PHLDB2: variants seen among roughly 807,000 people sequenced by gnomAD.
The protein encoded by PHLDB2 is pleckstrin homology like domain family B member 2.
In PHLDB2, 71 loss-of-function variants were observed where a neutral mutation model predicts 123.6. The ratio of observed to expected loss-of-function variants is 0.57; its 90% CI spans 0.47 to 0.70. The LOEUF is 0.70. Ranked by LOEUF, PHLDB2 falls within the 30% of genes least tolerant of loss-of-function variation. The pLI is 0.00. For missense variants in PHLDB2, 1,446 were observed against 1,519.5 expected (o/e 0.95, Z 0.80); for synonymous variants, 547 against 541.6 (o/e 1.01, Z -0.14).
At chr3:111,735,298 C>T (rs1009771210) in intron 1 of PHLDB2, among the ~76,000 whole-genome samples, 7 of 152,178 alleles carry the variant, frequency 4.6e-5, no homozygotes, top group Non-Finnish European at 7.3e-5. Context: ...AGACCCATGT[C>T]GGCTTGGAGT....
chr3:111,846,062 C>A, intron 2 of PHLDB2: 1 of 986,274 alleles, frequency 1.0e-6, no homozygotes, highest in Non-Finnish European at 1.5e-6. Context: ...GGGAAGAGAG[C>A]CTGAGGCTGG....
chr3:111,765,146 G>A (rs185521997), intron 1 of PHLDB2, among the ~76,000 whole-genome samples: 3 of 152,300 alleles, frequency 2.0e-5, no homozygotes, highest in African/African-American at 4.8e-5. Context: ...ATAGGCAGGC[G>A]TGAAACACTC....
intron 1 of PHLDB2, among the ~76,000 whole-genome samples, chr3:111,872,063 G>C (rs2065365840): frequency 6.6e-6 from 1 of 152,212 alleles, no homozygotes; most frequent in Non-Finnish European, 1.5e-5. Context: ...TTAATTTATG[G>C]ATTGGAAAGT....
chr3:111,782,245 C>A (rs1168367823), intron 1 of PHLDB2, among the ~76,000 whole-genome samples: 1 of 152,060 alleles, frequency 6.6e-6, no homozygotes, highest in Non-Finnish European at 1.5e-5. Flanking sequence ...CTGGGAACAA[C>A]CTTAGTTATA....
chr3:111,875,916 C>G (rs1236497821), intron 1 of PHLDB2, among the ~76,000 whole-genome samples: 2 of 149,584 alleles, frequency 1.3e-5, no homozygotes, highest in African/African-American at 2.5e-5. Flanking sequence ...TTTTTTTTTC[C>G]TGGTTGTCAA....
rs964480452 is a variant in PHLDB2 at position 111,975,466 on chromosome 3, G to A, written c.*903G>A. 2 of 152,184 alleles carry A rather than the reference G, an allele frequency of 1.3e-5. No individual in the cohort carries two copies. The highest frequency in any genetic ancestry group is 2.9e-5 in the Non-Finnish European group (2 of 68,024). The allele number at this position is 152,184 out of a possible 1,614,324, so 9.4% of individuals were successfully genotyped here. A position where few individuals can be genotyped will look rare whatever the true frequency, so the allele number is the denominator to read the frequency against. The stretch of plus-strand genomic sequence containing the variant: ...GTAGCCAATGTCCTTTAGATTGTCT[G>A]ATTTCTTTTTGTTGTGGAGCACACC... On this transcript the variant is annotated 3_prime_UTR_variant, in exon 18 of 18. Coordinates refer to ENST00000431670, the MANE Select transcript of PHLDB2 (RefSeq NM_001134438.2).
chr3:111,781,956 T>C (rs904070153), intron 1 of PHLDB2, among the ~76,000 whole-genome samples: 1 of 152,018 alleles, frequency 6.6e-6, no homozygotes, highest in African/African-American at 2.4e-5. Context: ...ACCTCAGTCA[T>C]AGGGCCAGAA....
At chr3:111,778,282 A>T (rs1165697323) in intron 1 of PHLDB2, 1 of 152,062 alleles carries the variant, frequency 6.6e-6, no homozygotes, top group Admixed American at 6.6e-5. Flanking sequence ...ATGTGGACAC[A>T]AGCACATGAA....
At position 111,917,770 on chromosome 3, in the gene PHLDB2, T is replaced by C. The variant is rs967704516; in HGVS notation, c.1720-1302T>C. The C allele has an allele frequency of 2.0e-5, 3 of 152,158 alleles. No individual in the cohort carries two copies. The East Asian group carries it at 5.8e-4, about 29-fold the overall frequency. 9.4% of individuals were successfully genotyped at this position (152,158 alleles called of 1,614,324 possible). ...AAGTAAAGAATAAAGAATATAAATA[T>C]GAATAAAGCATACAGAATATGACAT... On this transcript the variant is annotated intron_variant, in intron 3 of 17. Transcript: ENST00000431670.
chr3:111,826,790 T>C (rs1333829953), intron 1 of PHLDB2, among the ~76,000 whole-genome samples: 1 of 152,136 alleles, frequency 6.6e-6, no homozygotes, highest in Non-Finnish European at 1.5e-5. Context: ...TTTGATCAGC[T>C]GAACCAGAGC....
At chr3:111,761,935 C>T (rs568456356) in intron 1 of PHLDB2, among the ~76,000 whole-genome samples, 4 of 152,034 alleles carry the variant, frequency 2.6e-5, no homozygotes, top group African/African-American at 9.7e-5. Context: ...GAGTAATTAC[C>T]CCCAGCCTGA....
chr3:111,785,465 G>A (rs531663943), intron 1 of PHLDB2, among the ~76,000 whole-genome samples: 3 of 151,988 alleles, frequency 2.0e-5, no homozygotes, highest in Non-Finnish European at 1.5e-5. Context: ...GGATACATTT[G>A]GAATTCTCAA....
chr3:111,745,588 C>T (rs879257011), intron 1 of PHLDB2, among the ~76,000 whole-genome samples: 13 of 151,884 alleles, frequency 8.6e-5, no homozygotes, highest in South Asian at 4.2e-4. Flanking sequence ...GGCAAGACAC[C>T]GTCTCTACAA....
intron 2 of PHLDB2, among the ~76,000 whole-genome samples, chr3:111,850,808 T>C (rs2064213398): frequency 6.6e-6 from 1 of 152,138 alleles, no homozygotes. Flanking sequence ...AGTCATAACA[T>C]CACTATCTGT....
chr3:111,873,932 T>C (rs993735653), intron 1 of PHLDB2, among the ~76,000 whole-genome samples: 5 of 152,192 alleles, frequency 3.3e-5, no homozygotes, highest in Non-Finnish European at 5.9e-5. Context: ...AAGCGAGAAA[T>C]ACACGATTAT....
intron 6 of PHLDB2, among the ~76,000 whole-genome samples, chr3:111,935,727 C>A (rs1449351993): frequency 6.7e-6 from 1 of 148,894 alleles, no homozygotes; most frequent in Non-Finnish European, 1.5e-5. Flanking sequence ...CCAGTCTAGT[C>A]TTTTCACGTT....
intron 1 of PHLDB2, among the ~76,000 whole-genome samples, chr3:111,773,113 C>A (rs2060206802): frequency 6.6e-6 from 1 of 152,160 alleles, no homozygotes; most frequent in African/African-American, 2.4e-5. Context: ...AGAACCAGTC[C>A]TTATTGAAAC....
chr3:111,858,005 G>GT (rs1448339455), upstream of PHLDB2, among the ~76,000 whole-genome samples: 2 of 152,146 alleles, frequency 1.3e-5, no homozygotes, highest in African/African-American at 4.8e-5. Flanking sequence ...ACATACAAAC[G>GT]TATGTTTATT....
chr3:111,903,832 C>T (rs1362061986), intron 2 of PHLDB2, among the ~76,000 whole-genome samples: 1 of 152,140 alleles, frequency 6.6e-6, no homozygotes, highest in Non-Finnish European at 1.5e-5. Context: ...AGGCACTAAT[C>T]TACTCATCTC....
Sources: allele counts gnomAD v4.1 joint callset (sites outside exome capture counted in the v4.1 genomes callset), GRCh38; gene constraint gnomAD v4.1.1; transcripts MANE v1.5; gene names NCBI Gene and HGNC (gene_info 2026-07-23, HGNC 2026-07-21).